Variants in GLRA3 observed in about 807,000 individuals in gnomAD.
The protein encoded by GLRA3 is glycine receptor subunit alpha-3.
In GLRA3, 44 loss-of-function variants were observed where a neutral mutation model predicts 60.4. The ratio of observed to expected loss-of-function variants is 0.73; its 90% CI spans 0.57 to 0.94. The LOEUF (loss-of-function observed/expected upper bound fraction) is 0.94, where lower values mean the gene tolerates loss of function less well. Among genes scored for constraint, GLRA3 ranks in the 40% least tolerant of loss-of-function variants. GLRA3 has a pLI of 0.00. For synonymous variants in GLRA3, 223 were observed against 192.9 expected, an observed-to-expected ratio of 1.16 and a Z score of -1.29; for missense variants, 508 against 564.6, an observed-to-expected ratio of 0.90 and a Z score of 1.02.
chr4:174,644,501 CA>C (rs1465670749), intron 9 of GLRA3, among the ~76,000 whole-genome samples: 1 of 145,762 alleles, frequency 6.9e-6, no homozygotes, highest in Non-Finnish European at 1.5e-5. Flanking sequence ...CTCATGGAGA[CA>C]AACCTTTTAA....
chr4:174,732,817 A>ATGTATG (rs1736608383), intron 3 of GLRA3, among the ~76,000 whole-genome samples: 2 of 151,814 alleles, frequency 1.3e-5, no homozygotes, highest in South Asian at 4.2e-4. Flanking sequence ...GTATGTGTGT[A>ATGTATG]TGTATGTGTA....
At chr4:174,656,087 A>G (rs1360935301) in intron 9 of GLRA3, among the ~76,000 whole-genome samples, 1 of 152,062 alleles carries the variant, frequency 6.6e-6, no homozygotes, top group African/African-American at 2.4e-5. Flanking sequence ...TGCATACTAT[A>G]TTATGAACCC....
At chr4:174,785,429 A>G (rs1367144787) in intron 2 of GLRA3, among the ~76,000 whole-genome samples, 6 of 152,174 alleles carry the variant, frequency 3.9e-5, no homozygotes, top group African/African-American at 1.4e-4. Flanking sequence ...AATTATGTAT[A>G]TAATGCTGGA....
Position 174,640,784 on chromosome 4 carries a change from A to G in GLRA3, c.*3002T>C, listed in dbSNP as rs2110826769. On this transcript the variant is annotated 3_prime_UTR_variant, in exon 10 of 10. Transcript: ENST00000274093. ...AAATTAAGATAAAAGTTATTAGAAT[A>G]TATCAACAGAATAAGAATTAATTTT... The G allele has an allele frequency of 6.6e-6, 1 of 152,212 alleles. No individual in the cohort carries two copies. The highest frequency in any genetic ancestry group is 1.9e-4 in the East Asian group (1 of 5,186). The allele number at this position is 152,212 out of a possible 1,614,324, so 9.4% of individuals were successfully genotyped here.
In GLRA3 at chr4:174,689,001, A is replaced by C. The variant is rs375995369; in HGVS notation, c.575-6062T>G. ...CTGATCATAGGATTTTAAGGTGATA[A>C]GTTTCCCACAAGCAGAGGCTGGGAA... On this transcript the variant is annotated intron_variant, in intron 5 of 9. Transcript: ENST00000274093. Among the ~76,000 whole-genome samples the C allele has an allele frequency of 4.6e-5, 7 of 152,290 alleles. No homozygotes were observed. In the South Asian group the frequency reaches 8.3e-4, roughly 18 times the overall value.
intron 6 of GLRA3, among the ~76,000 whole-genome samples, chr4:174,682,442 A>C (rs1409011191): frequency 1.3e-5 from 2 of 152,240 alleles, no homozygotes; most frequent in Non-Finnish European, 2.9e-5. Context: ...CAATTTAAAA[A>C]AAAATGTTCT....
At chr4:174,763,528 G>T (rs938065866) in intron 3 of GLRA3, among the ~76,000 whole-genome samples, 4 of 152,150 alleles carry the variant, frequency 2.6e-5, no homozygotes, top group African/African-American at 9.7e-5. Flanking sequence ...TGGTTTTTGC[G>T]TATATTTCCA....
At chr4:174,739,947 C>T (rs1561088402) in intron 3 of GLRA3, among the ~76,000 whole-genome samples, 2 of 152,152 alleles carry the variant, frequency 1.3e-5, no homozygotes, top group African/African-American at 4.8e-5. Flanking sequence ...TCACCCTTTC[C>T]CTATTGAATG....
At chr4:174,679,173 T>G (rs975584265) in intron 6 of GLRA3, among the ~76,000 whole-genome samples, 4 of 151,814 alleles carry the variant, frequency 2.6e-5, no homozygotes, top group Non-Finnish European at 5.9e-5. Flanking sequence ...CTACTAAAAA[T>G]ACAAAAAATT....
intron 2 of GLRA3, among the ~76,000 whole-genome samples, chr4:174,771,606 G>A (rs778096720): frequency 2.6e-5 from 4 of 152,062 alleles, no homozygotes; most frequent in African/African-American, 7.2e-5. Context: ...TGCTGATGGG[G>A]TACAGCCATG....
At chr4:174,708,010 C>G (rs1735577534) in intron 5 of GLRA3, among the ~76,000 whole-genome samples, 1 of 152,124 alleles carries the variant, frequency 6.6e-6, no homozygotes, top group Non-Finnish European at 1.5e-5. Flanking sequence ...GTAGCGAGTT[C>G]ATTACTGTAT....
chr4:174,708,463 T>A (rs1008568482), intron 5 of GLRA3, among the ~76,000 whole-genome samples: 1 of 151,986 alleles, frequency 6.6e-6, no homozygotes, highest in Non-Finnish European at 1.5e-5. Flanking sequence ...TTTGTTAATT[T>A]TTTTTTTCAA....
chr4:174,793,339 T>C (rs66464969), intron 1 of GLRA3, among the ~76,000 whole-genome samples: 12,714 of 152,118 alleles, frequency 0.084, 712 homozygotes, highest in Non-Finnish European at 0.12. Context: ...TTTACTCCCA[T>C]GGTATCAACT....
chr4:174,671,799 G>A (rs1294774547), intron 7 of GLRA3, among the ~76,000 whole-genome samples: 2 of 151,924 alleles, frequency 1.3e-5, no homozygotes, highest in African/African-American at 4.8e-5. Context: ...ACAGATGCCC[G>A]CCACCACGCC....
intron 4 of GLRA3, among the ~76,000 whole-genome samples, chr4:174,717,249 G>T (rs1735959571): frequency 7.6e-6 from 1 of 132,020 alleles, no homozygotes; most frequent in Admixed American, 7.6e-5. Flanking sequence ...ATGCAGGAAG[G>T]AAGGGAGGGA....
chr4:174,708,881 C>T (rs1735611263), intron 5 of GLRA3, among the ~76,000 whole-genome samples: 1 of 147,764 alleles, frequency 6.8e-6, no homozygotes, highest in African/African-American at 2.5e-5. Context: ...AAATAAAAAA[C>T]TGAAAATTCA....
intron 2 of GLRA3, among the ~76,000 whole-genome samples, chr4:174,787,020 G>C (rs1739152210): frequency 6.6e-6 from 1 of 151,766 alleles, no homozygotes; most frequent in Admixed American, 6.6e-5. Flanking sequence ...AAATCCTTGG[G>C]GGTCCTTTCC....
intron 5 of GLRA3, among the ~76,000 whole-genome samples, chr4:174,705,558 G>A (rs1345400287): frequency 6.9e-6 from 1 of 144,216 alleles, no homozygotes; most frequent in Non-Finnish European, 1.5e-5. Flanking sequence ...TAGAACCTGG[G>A]TAAATACAAT....
At chr4:174,719,215 G>T (rs1310702294) in intron 4 of GLRA3, among the ~76,000 whole-genome samples, 2 of 151,468 alleles carry the variant, frequency 1.3e-5, no homozygotes, top group South Asian at 4.2e-4. Context: ...CGCCCGCCTC[G>T]GCCTCCCAAA....
Sources: allele counts gnomAD v4.1 joint callset (sites outside exome capture counted in the v4.1 genomes callset), GRCh38; gene constraint gnomAD v4.1.1; transcripts MANE v1.5; gene names NCBI Gene and HGNC (gene_info 2026-07-23, HGNC 2026-07-21).